Variants in RYR3 observed in about 807,000 individuals in gnomAD.
RYR3 encodes ryanodine receptor 3.
RYR3 carries 207 observed loss-of-function variants against 584.3 expected under a neutral mutation model. That is an observed-to-expected ratio of 0.35 (90% CI 0.32 to 0.40). RYR3 has a LOEUF of 0.40. RYR3 is among the 10% of genes least tolerant of loss of function. The pLI is 1.00. For synonymous variants in RYR3, 2,416 were observed against 2,248.5 expected, an observed-to-expected ratio of 1.07 and a Z score of -2.11; for missense variants, 5,616 against 6,089.2, an observed-to-expected ratio of 0.92 and a Z score of 2.59.
At chr15:33,505,828 C>A (rs1197845410) in intron 3 of RYR3, among the ~76,000 whole-genome samples, 2 of 151,974 alleles carry the variant, frequency 1.3e-5, no homozygotes, top group Non-Finnish European at 2.9e-5. Flanking sequence ...CTTCTTTTTC[C>A]AAGATGTATC....
chr15:33,443,389 C>T (rs544945472), intron 1 of RYR3, among the ~76,000 whole-genome samples: 158 of 152,102 alleles, frequency 1.0e-3, no homozygotes, highest in African/African-American at 3.6e-3. Flanking sequence ...GATAGGCTAC[C>T]AGCAACATTA....
At chr15:33,466,575 A>G (rs1217816308) in intron 1 of RYR3, among the ~76,000 whole-genome samples, 1 of 152,218 alleles carries the variant, frequency 6.6e-6, no homozygotes, top group Non-Finnish European at 1.5e-5. Flanking sequence ...TGGAGATACA[A>G]TGTCTGAGAG....
At chr15:33,657,404 A>G (rs2062880561) in intron 32 of RYR3, among the ~76,000 whole-genome samples, 1 of 152,182 alleles carries the variant, frequency 6.6e-6, no homozygotes, top group African/African-American at 2.4e-5. Context: ...TGGGCTTCCT[A>G]CTGGTCCAGA....
intron 1 of RYR3, among the ~76,000 whole-genome samples, chr15:33,445,753 G>T (rs980943428): frequency 4.0e-4 from 59 of 146,492 alleles, no homozygotes; most frequent in African/African-American, 1.5e-3. Context: ...CACAAAGGAA[G>T]AATTCAATGG....
At chr15:33,681,683 C>T (rs2064631910) in intron 38 of RYR3, among the ~76,000 whole-genome samples, 1 of 152,216 alleles carries the variant, frequency 6.6e-6, no homozygotes, top group Non-Finnish European at 1.5e-5. Context: ...AATAAGTGTA[C>T]ATCCTTTACA....
intron 85 of RYR3, among the ~76,000 whole-genome samples, chr15:33,830,400 G>T (rs2077604365): frequency 6.6e-6 from 1 of 152,198 alleles, no homozygotes; most frequent in Non-Finnish European, 1.5e-5. Flanking sequence ...ATTTTTTAAT[G>T]ATGGCACGTA....
intron 1 of RYR3, among the ~76,000 whole-genome samples, chr15:33,454,590 G>A (rs534466601): frequency 7.2e-5 from 11 of 152,256 alleles, no homozygotes; most frequent in South Asian, 2.1e-4. Context: ...GCGAAACAGC[G>A]GTTAAGGTAA....
In RYR3 at chr15:33,585,276, A is replaced by G. The variant is rs957351326; in HGVS notation, c.1670-722A>G. 5.3e-5 allele frequency among the ~76,000 whole-genome samples: 8 copies of G among 152,326 alleles called. No individual in the cohort carries two copies. The South Asian group carries it at 1.2e-3, about 24-fold the overall frequency. On this transcript the variant is annotated intron_variant, in intron 15 of 103. Transcript: ENST00000634891. ...CATGGGCTAGATTACATTTCAGGCT[A>G]ACTTATGAAAACATTGAGAAAAAAA...
chr15:33,332,529 G>T (rs561861583), intron 1 of RYR3, among the ~76,000 whole-genome samples: 4 of 152,152 alleles, frequency 2.6e-5, no homozygotes, highest in African/African-American at 7.2e-5. Context: ...ATTATAAAAA[G>T]TGATCATGTA....
chr15:33,841,440 C>A (rs547234895), intron 90 of RYR3, among the ~76,000 whole-genome samples: 29 of 152,258 alleles, frequency 1.9e-4, no homozygotes, highest in African/African-American at 6.7e-4. Context: ...GGCCAGATGA[C>A]TTTGCAACTT....
chr15:33,380,816 A>G (rs960405530), intron 1 of RYR3, among the ~76,000 whole-genome samples: 9 of 152,208 alleles, frequency 5.9e-5, no homozygotes, highest in African/African-American at 2.2e-4. Context: ...AAATGTCTTT[A>G]GCTTGCAAAG....
intron 1 of RYR3, among the ~76,000 whole-genome samples, chr15:33,466,811 A>C (rs1448624360): frequency 1.3e-5 from 2 of 152,236 alleles, no homozygotes; most frequent in African/African-American, 2.4e-5. Context: ...CACTGAATTC[A>C]CAAATATTTG....
intron 1 of RYR3, among the ~76,000 whole-genome samples, chr15:33,343,501 CA>C: frequency 6.6e-6 from 1 of 152,242 alleles, no homozygotes. Flanking sequence ...CCATCCCCCG[CA>C]GTTTGATTTC....
chr15:33,490,377 G>C (rs1286626298), intron 2 of RYR3, among the ~76,000 whole-genome samples: 1 of 152,134 alleles, frequency 6.6e-6, no homozygotes, highest in Non-Finnish European at 1.5e-5. Flanking sequence ...TTTTCATGAA[G>C]GATCTTTGCT....
rs142602508 is a variant in RYR3, at chr15:33,852,565, CA to C, written c.13629-479del. The C allele has an allele frequency of 1.8e-4, 28 of 156,636 alleles. No homozygotes were observed. The East Asian group carries it at 5.2e-3, about 29-fold the overall frequency. The allele number at this position is 156,636 out of a possible 1,614,324, so 9.7% of individuals were successfully genotyped here. ...ATGTAAATAAACTAAAGGTGATTCC[CA>C]GACTGGAAACTGCATATAGTTAGGG... On this transcript the variant is annotated intron_variant, in intron 94 of 103. Transcript: ENST00000634891.
chr15:33,580,693 C>T (rs1191291108), intron 13 of RYR3, among the ~76,000 whole-genome samples: 2 of 152,218 alleles, frequency 1.3e-5, no homozygotes, highest in Non-Finnish European at 2.9e-5. Context: ...AGACAAGCCA[C>T]AAGCCTTTTC....
rs1197663785 is a variant in RYR3, at chr15:33,755,193, A to G, written c.8515+13A>G. On this transcript the variant is annotated intron_variant, in intron 58 of 103. Transcript: ENST00000634891. ...ATTGCCCATTTAGGTAAGTATCATC[A>G]TGAAATAACCCAAAAGAATTCAATA... is the stretch of plus-strand genomic sequence containing the variant. 7.2e-7 allele frequency: 1 copy of G among 1,394,296 alleles called. No individual in the cohort carries two copies. Among genetic ancestry groups the G allele is most frequent in the South Asian group, 1.2e-5 (1 of 84,628 alleles). The allele number at this position is 1,394,296 out of a possible 1,614,324, so 86.4% of individuals were successfully genotyped here. A position where few individuals can be genotyped will look rare whatever the true frequency, so the allele number is the denominator to read the frequency against.
At position 33,728,861 on chromosome 15, in the gene RYR3, G is replaced by A; in HGVS notation, c.7038G>A (p.Gly2346=). 6.2e-7 allele frequency: 1 copy of A among 1,610,984 alleles called. No homozygotes were observed. The highest frequency in any genetic ancestry group is 8.5e-7 in the Non-Finnish European group (1 of 1,179,018). The change falls in exon 47 of 104, where the codon GGG becomes GGA. Residue 2346 remains glycine (G), a synonymous_variant. Transcript: ENST00000634891. ...PLKLPSLNKD[G]SVSEPDMAAN... is the part of the protein sequence containing the mutation. ...CATTTTCTATGTGTCTTTCAGATGG[G>A]TCGGTCAGTGAGCCAGATATGGCGG...
chr15:33,559,723 G>A (rs989792382), intron 10 of RYR3, among the ~76,000 whole-genome samples: 1 of 152,188 alleles, frequency 6.6e-6, no homozygotes, highest in Admixed American at 6.5e-5. Flanking sequence ...GCATATCAAA[G>A]GCATGCAGCT....
Sources: allele counts gnomAD v4.1 joint callset (sites outside exome capture counted in the v4.1 genomes callset), GRCh38; gene constraint gnomAD v4.1.1; transcripts MANE v1.5; gene names NCBI Gene and HGNC (gene_info 2026-07-23, HGNC 2026-07-21).